Variants in SLC35D1 observed in about 807,000 individuals in gnomAD.
SLC35D1 encodes the protein nucleotide sugar transporter SLC35D1.
In SLC35D1, 31 loss-of-function variants were observed where a neutral mutation model predicts 46.7. The ratio of observed to expected loss-of-function variants is 0.66; its 90% confidence interval spans 0.50 to 0.90. The LOEUF is 0.90. Among genes scored for constraint, SLC35D1 ranks in the 40% least tolerant of loss-of-function variants. SLC35D1 has a pLI of 0.00. For missense variants in SLC35D1, 397 were observed against 426.2 expected (o/e 0.93, Z 0.60); for synonymous variants, 195 against 164.6 (o/e 1.18, Z -1.41).
At chr1:67,008,325 G>C (rs1667491566) in intron 11 of SLC35D1, 2 of 806,908 alleles carry the variant, frequency 2.5e-6, no homozygotes, top group East Asian at 1.4e-4. Flanking sequence ...TTTTAGTAGA[G>C]ACGGGGTATC....
intron 8 of SLC35D1, among the ~76,000 whole-genome samples, chr1:67,028,982 T>C (rs908772896): frequency 2.6e-5 from 4 of 152,214 alleles, no homozygotes; most frequent in Admixed American, 1.3e-4. Context: ...CTGAAAAATG[T>C]TGTTTGATAA....
intron 10 of SLC35D1, among the ~76,000 whole-genome samples, chr1:67,014,573 CAAAT>C (rs1667639659): frequency 6.7e-6 from 1 of 149,878 alleles, no homozygotes; most frequent in Non-Finnish European, 1.5e-5. Context: ...TAAATAGGCC[CAAAT>C]AATTTTCAAG....
At chr1:67,052,897 AAG>A (rs768444544) in intron 2 of SLC35D1, 40 bp from the exon 3 acceptor site, 1 of 1,614,070 alleles carries the variant, frequency 6.2e-7, no homozygotes, top group Non-Finnish European at 8.5e-7. Context: ...TCTACACATA[AAG>A]ACACACACAG....
intron 8 of SLC35D1, 116 bp downstream of exon 8, chr1:67,042,120 A>T (rs1412339723): frequency 1.0e-5 from 10 of 968,714 alleles, no homozygotes; most frequent in African/African-American, 1.6e-5. Flanking sequence ...GTAAATGCTC[A>T]GTTTTTGGTC....
the SLC35D1 span, among the ~76,000 whole-genome samples, chr1:66,978,341 A>C: frequency 6.6e-6 from 1 of 152,214 alleles, no homozygotes; most frequent in East Asian, 1.9e-4. Flanking sequence ...TCTAAAGCCC[A>C]CAGTAAAACA....
intron 11 of SLC35D1, chr1:67,008,327 C>G: frequency 1.2e-6 from 1 of 818,146 alleles, no homozygotes; most frequent in Non-Finnish European, 1.7e-6. Context: ...TTAGTAGAGA[C>G]GGGGTATCAC....
the SLC35D1 span, chr1:66,981,699 G>T: frequency 1.5e-5 from 17 of 1,112,398 alleles, no homozygotes; most frequent in Non-Finnish European, 2.2e-5. Context: ...TATTTGTTAA[G>T]AAAGCCTTCT....
chr1:67,029,558 T>A (rs1413701542), intron 8 of SLC35D1, among the ~76,000 whole-genome samples: 4 of 152,228 alleles, frequency 2.6e-5, no homozygotes, highest in Non-Finnish European at 5.9e-5. Flanking sequence ...TCTGCAGAGT[T>A]CCATGCACTT....
intron 9 of SLC35D1, among the ~76,000 whole-genome samples, chr1:67,021,173 C>T (rs1169455951): frequency 1.3e-5 from 2 of 152,142 alleles, no homozygotes; most frequent in Non-Finnish European, 2.9e-5. Context: ...TCAAACTGCC[C>T]CAAATTCAAA....
At chr1:66,989,030 A>G in the SLC35D1 span, among the ~76,000 whole-genome samples, 1 of 152,130 alleles carries the variant, frequency 6.6e-6, no homozygotes, top group East Asian at 1.9e-4. Context: ...TCTTTTGTCA[A>G]ACTTCGTATT....
chr1:67,045,443 T>G (rs1409568949), intron 7 of SLC35D1, among the ~76,000 whole-genome samples: 1 of 152,248 alleles, frequency 6.6e-6, no homozygotes, highest in Non-Finnish European at 1.5e-5. Flanking sequence ...TTTTACAATC[T>G]GACTGTTTCT....
At chr1:67,010,197 A>G (rs1667535502) in intron 10 of SLC35D1, among the ~76,000 whole-genome samples, 1 of 152,126 alleles carries the variant, frequency 6.6e-6, no homozygotes, top group Non-Finnish European at 1.5e-5. Flanking sequence ...GTGGGAGGGT[A>G]AAAGGGGGAT....
At chr1:66,976,248 C>CG in the SLC35D1 span, among the ~76,000 whole-genome samples, 2 of 152,178 alleles carry the variant, frequency 1.3e-5, no homozygotes, top group African/African-American at 4.8e-5. Context: ...GTGATCCACC[C>CG]CCCTTGGCCT....
the SLC35D1 span, among the ~76,000 whole-genome samples, chr1:66,981,454 A>G: frequency 1.3e-5 from 2 of 152,324 alleles, no homozygotes; most frequent in Non-Finnish European, 2.9e-5. Context: ...TTTACTAGAC[A>G]TCACCCCTAT....
the SLC35D1 span, chr1:66,984,653 G>A: frequency 1.9e-6 from 3 of 1,613,804 alleles, no homozygotes; most frequent in African/African-American, 4.0e-5. Flanking sequence ...GGACCAACAG[G>A]TGGAAATAAG....
chr1:67,053,205 T>G (rs533442836), intron 1 of SLC35D1, among the ~76,000 whole-genome samples: 2 of 152,212 alleles, frequency 1.3e-5, no homozygotes, highest in Admixed American at 6.5e-5. Context: ...TGTCCCATCT[T>G]GTCCGAGTCT....
chr1:66,995,010 C>A (rs564115789), downstream of SLC35D1, among the ~76,000 whole-genome samples: 1 of 151,938 alleles, frequency 6.6e-6, no homozygotes, highest in East Asian at 1.9e-4. Flanking sequence ...AACTCAAATC[C>A]CTTTTCTTTT....
the SLC35D1 span, among the ~76,000 whole-genome samples, chr1:66,974,000 ATAT>A: frequency 6.6e-5 from 10 of 151,950 alleles, no homozygotes; most frequent in Non-Finnish European, 1.2e-4. Context: ...TTTTTGACAC[ATAT>A]TTAATATTTT....
In SLC35D1 at chr1:67,004,338, G is replaced by C. The variant is rs1282357546; in HGVS notation, c.*2C>G. The C allele has an allele frequency of 1.2e-6, 2 of 1,613,308 alleles. No homozygotes were observed. The highest frequency in any genetic ancestry group is 1.1e-5 in the South Asian group (1 of 91,056). On this transcript the variant is annotated 3_prime_UTR_variant, in exon 12 of 12. Coordinates refer to ENST00000235345, the MANE Select transcript of SLC35D1 (RefSeq NM_015139.3). ...TACGTATCAGATGAAGCAATCCTCT[G>C]GTCACACTGCTCCTTTCCCCTTAAT...
Sources: allele counts gnomAD v4.1 joint callset (sites outside exome capture counted in the v4.1 genomes callset), GRCh38; gene constraint gnomAD v4.1.1; transcripts MANE v1.5; gene names NCBI Gene and HGNC (gene_info 2026-07-23, HGNC 2026-07-21).